The following DMD variants were observed in gnomAD, a reference collection of about 807,000 sequenced individuals.
DMD encodes the protein mutant dystrophin.
DMD carries 63 observed loss-of-function variants against 330.1 expected under a neutral mutation model. That is an observed-to-expected ratio of 0.19 (90% confidence interval 0.16 to 0.24). The LOEUF is 0.24. Ranked by LOEUF, DMD falls within the 10% of genes least tolerant of loss-of-function variation. The pLI, the probability that DMD is intolerant of heterozygous loss-of-function variation, is 1.00. For missense variants in DMD, 3,344 were observed against 2,684.1 expected (o/e 1.25, Z -5.43); for synonymous variants, 1,223 against 959.8 (o/e 1.27, Z -5.07).
chrX:31,816,794 T>TCTCACACA (rs1556914952), intron 50 of DMD, among the ~76,000 whole-genome samples: 1 of 85,343 alleles, frequency 1.2e-5, no homozygotes, highest in African/African-American at 4.5e-5. Context: ...CAAGATTCTG[T>TCTCACACA]CACACACACA....
intron 13 of DMD, among the ~76,000 whole-genome samples, chrX:32,590,841 CGT>C (rs1176629426): frequency 9.0e-6 from 1 of 111,211 alleles, no homozygotes; most frequent in Non-Finnish European, 1.9e-5. Context: ...TTGCAGATGG[CGT>C]ATCATGGGAC....
At chrX:33,241,147 T>C (rs368011717) in intron 1 of DMD, among the ~76,000 whole-genome samples, 237 of 111,979 alleles carry the variant, frequency 2.1e-3, no homozygotes, top group African/African-American at 7.1e-3. Flanking sequence ...ATCATAGTCA[T>C]GGAGACTTCC....
chrX:31,839,369 G>A (rs769430769), intron 48 of DMD, among the ~76,000 whole-genome samples: 34 of 111,924 alleles, frequency 3.0e-4, no homozygotes, highest in Non-Finnish European at 5.8e-4. Context: ...ACCGTTGAAC[G>A]GGCAAATAAA....
intron 43 of DMD, among the ~76,000 whole-genome samples, chrX:32,256,608 G>T (rs987889304): frequency 2.7e-5 from 3 of 111,049 alleles, no homozygotes; most frequent in African/African-American, 9.8e-5. Context: ...TCATAGGGTC[G>T]ATGGTCTTTA....
intron 1 of DMD, among the ~76,000 whole-genome samples, chrX:33,064,535 G>A (rs1011436069): frequency 8.9e-6 from 1 of 112,173 alleles, no homozygotes; most frequent in Non-Finnish European, 1.9e-5. Context: ...AAGTATAGAT[G>A]TAAACAAATG....
At chrX:32,082,570 T>C (rs1465255476) in intron 44 of DMD, among the ~76,000 whole-genome samples, 1 of 111,866 alleles carries the variant, frequency 8.9e-6, no homozygotes, top group Admixed American at 9.5e-5. Context: ...TTTCCTTTTG[T>C]TATTTCCACT....
At position 31,716,551 on chromosome X, in the gene DMD, C is replaced by CAACAAAACAAAACAAAACAA. The variant is rs751730837; in HGVS notation, c.7660+13060_7660+13079dup. ...GGGCAACAAGAGCAAAACTCCATCT[C>CAACAAAACAAAACAAAACAA]AACAAAACAAAACAAAACAAAACAA... On this transcript the variant is annotated intron_variant, in intron 52 of 78. Transcript: ENST00000357033. Among the ~76,000 whole-genome samples, 183 of 107,563 alleles carry CAACAAAACAAAACAAAACAA rather than the reference C, an allele frequency of 1.7e-3. 1 individual carries two copies. The highest frequency in any genetic ancestry group is 5.9e-3 in the African/African-American group (169 of 28,880). The allele number at this position is 107,563 out of a possible 115,157, so 93.4% of individuals were successfully genotyped here. A position where few individuals can be genotyped will look rare whatever the true frequency, so the allele number is the denominator to read the frequency against.
rs182321031 is a variant in DMD, at chrX:32,824,100, T to C, written c.265-713A>G. The stretch of plus-strand genomic sequence containing the variant: ...CATAATGGTTAAAATTAAAAAATAG[T>C]GCCATAAAATGCTGGTGAGGGTGTG... On this transcript the variant is annotated intron_variant, in intron 4 of 78. Coordinates refer to ENST00000357033, the MANE Select transcript of DMD (RefSeq NM_004006.3). 5.4e-4 allele frequency among the ~76,000 whole-genome samples: 61 copies of C among 112,029 alleles called. No homozygotes were observed. The East Asian group carries it at 0.016, about 29-fold the overall frequency.
At chrX:32,567,335 A>T (rs1329079759) in intron 15 of DMD, among the ~76,000 whole-genome samples, 1 of 112,513 alleles carries the variant, frequency 8.9e-6, no homozygotes, top group Non-Finnish European at 1.9e-5. Flanking sequence ...AAATTAAGAT[A>T]TTATACACTG....
intron 60 of DMD, among the ~76,000 whole-genome samples, chrX:31,372,428 G>C (rs1438483085): frequency 3.6e-5 from 4 of 111,743 alleles, no homozygotes; most frequent in African/African-American, 9.8e-5. Flanking sequence ...ATAGTTCCTG[G>C]GCTTTGACTC....
chrX:32,707,303 C>A (rs2064764412), intron 7 of DMD, among the ~76,000 whole-genome samples: 1 of 111,952 alleles, frequency 8.9e-6, no homozygotes, highest in African/African-American at 3.3e-5. Flanking sequence ...CAGTTTACCA[C>A]TTGCCACTGT....
chrX:31,799,426 C>T (rs992682537), intron 50 of DMD, among the ~76,000 whole-genome samples: 1 of 111,311 alleles, frequency 9.0e-6, no homozygotes. Flanking sequence ...CTTATAAAAC[C>T]ATCAGATCTC....
intron 44 of DMD, among the ~76,000 whole-genome samples, chrX:32,096,695 G>A (rs2096509150): frequency 9.0e-6 from 1 of 111,404 alleles, no homozygotes; most frequent in Non-Finnish European, 1.9e-5. Context: ...TGAGGACCCA[G>A]GTAGGTGAGG....
chrX:32,175,606 G>A (rs1244096260), intron 44 of DMD, among the ~76,000 whole-genome samples: 2 of 108,995 alleles, frequency 1.8e-5, no homozygotes, highest in African/African-American at 6.6e-5. Flanking sequence ...GCGAGACCAC[G>A]AACCCACCGG....
chrX:32,473,889 G>C (rs754410857), intron 21 of DMD, among the ~76,000 whole-genome samples: 9 of 109,956 alleles, frequency 8.2e-5, no homozygotes, highest in Non-Finnish European at 1.5e-4. Context: ...GGTTACATGA[G>C]TAAGTTCTTT....
chrX:31,358,927 A>G (rs2058798082), intron 60 of DMD, among the ~76,000 whole-genome samples: 1 of 112,022 alleles, frequency 8.9e-6, no homozygotes, highest in South Asian at 3.7e-4. Flanking sequence ...TTCTTTCCCA[A>G]CTGCTTGTCC....
At chrX:32,534,657 G>A (rs1182171623) in intron 17 of DMD, among the ~76,000 whole-genome samples, 1 of 111,266 alleles carries the variant, frequency 9.0e-6, no homozygotes, top group Non-Finnish European at 1.9e-5. Context: ...CCTCCTTCTT[G>A]CTGTGTCCTC....
chrX:31,209,824 A>C, intron 64 of DMD, 125 bp from the exon 65 acceptor site: 1 of 633,504 alleles, frequency 1.6e-6, no homozygotes, highest in Non-Finnish European at 2.5e-6. Flanking sequence ...AACGTGAACC[A>C]CACTCTCTTT....
intron 12 of DMD, among the ~76,000 whole-genome samples, chrX:32,606,852 T>C (rs2056763713): frequency 9.2e-6 from 1 of 108,943 alleles, no homozygotes; most frequent in South Asian, 3.9e-4. Context: ...GAATAGGAAC[T>C]ATAGGCCATT....
Sources: allele counts gnomAD v4.1 joint callset (sites outside exome capture counted in the v4.1 genomes callset), GRCh38; gene constraint gnomAD v4.1.1; transcripts MANE v1.5; gene names NCBI Gene and HGNC (gene_info 2026-07-23, HGNC 2026-07-21).